The following ALG1 variants were observed in gnomAD, a reference collection of about 807,000 sequenced individuals.
ALG1 encodes chitobiosyldiphosphodolichol beta-mannosyltransferase.
In ALG1, 58 loss-of-function variants were observed where a neutral mutation model predicts 55.1. The observed-to-expected ratio is 1.05, with a 90% CI of 0.85 to 1.31. The LOEUF is 1.31. Ranked by LOEUF, ALG1 falls within the 50% of genes most tolerant of loss-of-function variation. The pLI, the probability that ALG1 is intolerant of heterozygous loss-of-function variation, is 0.00. For synonymous variants in ALG1, 309 were observed against 247.0 expected (o/e 1.25, Z -2.35); for missense variants, 761 against 598.6 (o/e 1.27, Z -2.83).
intron 6 of ALG1, chr16:5,078,378 G>A: frequency 1.7e-6 from 1 of 588,968 alleles, no homozygotes; most frequent in East Asian, 3.8e-5. Context: ...GGACCTGTGT[G>A]TCCCCTGGGG....
Position 5,085,846 on chromosome 16 carries a change from T to A in ALG1, c.*965T>A. ...GGGGTAGGGGGGTGTCCAAGTCAGT[T>A]TACTTGGTTCACAGGTTCCCAGGCC... On this transcript the variant is annotated 3_prime_UTR_variant, in exon 13 of 13. Transcript: ENST00000262374. 1 of 849,682 alleles carries A rather than the reference T, an allele frequency of 1.2e-6. No individual in the cohort carries two copies. The highest frequency in any genetic ancestry group is 1.8e-5 in the Admixed American group (1 of 55,080). 52.6% of individuals were successfully genotyped at this position (849,682 alleles called of 1,614,324 possible).
intron 12 of ALG1, 86 bp from the exon 13 acceptor site, chr16:5,084,664 T>G (rs1957085095): frequency 6.3e-7 from 1 of 1,585,354 alleles, no homozygotes; most frequent in Admixed American, 1.7e-5. Context: ...TGTTGTTGGG[T>G]CGGGGACCTG....
chr16:5,077,386 G>A lies in ALG1; in HGVS notation c.540-59G>A, dbSNP rs116032187. The A allele has an allele frequency of 2.1e-4, 299 of 1,421,372 alleles. 1 individual carries two copies. The African/African-American group carries it at 3.5e-3, about 17-fold the overall frequency. The allele number at this position is 1,421,372 out of a possible 1,614,324, so 88.0% of individuals were successfully genotyped here. A position where few individuals can be genotyped will look rare whatever the true frequency, so the allele number is the denominator to read the frequency against. On this transcript the variant is annotated intron_variant, in intron 4 of 12. Coordinates refer to ENST00000262374, the MANE Select transcript of ALG1 (RefSeq NM_019109.5). Reference sequence around the variant, plus strand: ...TCTCTGTTGAGGGATGTCGAGTCACGCTGTGGTGGTAGCGGAGGCCTGTCT... The same window carrying A: ...TCTCTGTTGAGGGATGTCGAGTCACACTGTGGTGGTAGCGGAGGCCTGTCT...
chr16:5,080,850 G>T, intron 9 of ALG1, 96 bp from the exon 10 acceptor site: 1 of 1,509,898 alleles, frequency 6.6e-7, no homozygotes, highest in Non-Finnish European at 9.1e-7. Flanking sequence ...GAGCTTCTGG[G>T]AAAGGGATCC....
At chr16:5,082,709 T>C in intron 11 of ALG1, 36 bp downstream of exon 11, 2 of 1,607,974 alleles carry the variant, frequency 1.2e-6, no homozygotes, top group South Asian at 1.1e-5. Context: ...GGGGATAGCT[T>C]TGCAGATCCA....
chr16:5,084,854 T>C lies in ALG1; in HGVS notation c.1368T>C (p.Thr456=), dbSNP rs1455567093. 1 of 1,596,280 alleles carries C rather than the reference T, an allele frequency of 6.3e-7. No individual in the cohort carries two copies. Among genetic ancestry groups the C allele is most frequent in the East Asian group, 2.2e-5 (1 of 44,896 alleles). The change falls in exon 13 of 13, where the codon ACT becomes ACC. Residue 456 remains threonine, a synonymous_variant. Transcript: ENST00000262374. ...GATGGGATGAGAGCTGGGTGCAGACTGTGCTCCCTTTGGTTATGGACACAT... is the reference window on the plus strand; with the variant it reads ...GATGGGATGAGAGCTGGGTGCAGACCGTGCTCCCTTTGGTTATGGACACAT... ...QLRWDESWVQ[T]VLPLVMDT is the part of the protein sequence containing the mutation.
chr16:5,075,346 A>G (rs2142706910), intron 3 of ALG1, 42 bp from the exon 4 acceptor site: 3 of 1,605,658 alleles, frequency 1.9e-6, no homozygotes, highest in Non-Finnish European at 2.6e-6. Context: ...ATTGCCTAGC[A>G]TGGTCTGGGT....
intron 11 of ALG1, among the ~76,000 whole-genome samples, chr16:5,083,071 C>G (rs1957043754): frequency 6.6e-6 from 1 of 152,164 alleles, no homozygotes; most frequent in South Asian, 2.1e-4. Context: ...CCCACCATGT[C>G]CCTTTTGGCC....
chr16:5,072,417 C>A (rs1260240937), intron 1 of ALG1: 11 of 509,658 alleles, frequency 2.2e-5, no homozygotes, highest in Non-Finnish European at 3.0e-5. Flanking sequence ...TTCCTCATCC[C>A]TCAACGCAGA....
rs960688285 is a variant in ALG1, at chr16:5,082,822, A to G, written c.1187+149A>G. 5.5e-6 allele frequency: 5 copies of G among 904,508 alleles called. No homozygotes were observed. In the African/African-American group the frequency reaches 8.1e-5, roughly 15 times the overall value. The allele number at this position is 904,508 out of a possible 1,614,324, so 56.0% of individuals were successfully genotyped here. A position where few individuals can be genotyped will look rare whatever the true frequency, so the allele number is the denominator to read the frequency against. ...GGCCATGAGGAGGAGCCCTGCGGTT[A>G]CTGTGGCTGGGCTGAGCCTCACTGA... On this transcript the variant is annotated intron_variant, in intron 11 of 12. Transcript: ENST00000262374.
At chr16:5,077,357 C>T (rs1956932069) in intron 4 of ALG1, 88 bp from the exon 5 acceptor site, 2 of 1,210,966 alleles carry the variant, frequency 1.7e-6, no homozygotes, top group Non-Finnish European at 2.5e-6. Flanking sequence ...GCTCTGCGGC[C>T]TTTTCTCTGT....
chr16:5,082,473 T>C lies in ALG1; in HGVS notation c.1073-86T>C, dbSNP rs753888890. 7.5e-5 allele frequency: 108 copies of C among 1,436,972 alleles called. 3 individuals carry two copies. The highest frequency in any genetic ancestry group is 1.4e-4 in the African/African-American group (10 of 71,438). 89.0% of individuals were successfully genotyped at this position (1,436,972 alleles called of 1,614,324 possible). ...GGGCCTTATCTGATTTTCACTCTCC[T>C]TGGGGGATGCTGCCTCACTGTGCTG... On this transcript the variant is annotated intron_variant, in intron 10 of 12. Transcript: ENST00000262374.
Position 5,085,605 on chromosome 16 carries a change from C to G in ALG1, c.*724C>G. ...TCCCATGAGAGTGACTTGATTCTCA[C>G]AATCCCGTTGGAGTCGTGTGTGAGT... On this transcript the variant is annotated 3_prime_UTR_variant, in exon 13 of 13. Transcript: ENST00000262374. The G allele has an allele frequency of 6.7e-7, 1 of 1,489,338 alleles. No homozygotes were observed. Among genetic ancestry groups the G allele is most frequent in the East Asian group, 2.3e-5 (1 of 44,300 alleles). 92.3% of individuals were successfully genotyped at this position (1,489,338 alleles called of 1,614,324 possible).
rs1263959891 is a variant in ALG1, at chr16:5,071,931, C to T, written c.82C>T (p.Arg28Trp). ...GCTGGGAGGATGGAAGCGCTGGCGC[C>T]GGGGGCGGGCGGCCCGGCATGTAGT... is the stretch of plus-strand genomic sequence containing the variant. ...LLLGGWKRWR[R>W]GRAARHVVAV... Residue 28 changes from arginine to tryptophan, a missense_variant, in exon 1 of 13, where the codon CGG becomes TGG. By Grantham distance (101) the Arg-to-Trp change is moderately radical (BLOSUM62 -3). Coordinates refer to ENST00000262374, the MANE Select transcript of ALG1 (RefSeq NM_019109.5). 1.3e-6 allele frequency: 2 copies of T among 1,588,896 alleles called. No homozygotes were observed. The highest frequency in any genetic ancestry group is 1.7e-6 in the Non-Finnish European group (2 of 1,168,134).
rs4786590 is a variant in ALG1, at chr16:5,075,364, C to T, written c.391-24C>T. On this transcript the variant is annotated intron_variant, in intron 3 of 12. Transcript: ENST00000262374. ...GCCTAGCATGGTCTGGGTTTCCTCCCCTTCAAGTCTCTATCTTTCCTAGAA... is the reference window on the plus strand; with the variant it reads ...GCCTAGCATGGTCTGGGTTTCCTCCTCTTCAAGTCTCTATCTTTCCTAGAA... 1,589,069 of 1,613,876 alleles carry T rather than the reference C, an allele frequency of 0.98. 783,325 individuals are homozygous for T. The highest frequency in any genetic ancestry group is 1 in the East Asian group (44,873 of 44,876).
chr16:5,077,423 G>A (rs779367321), intron 4 of ALG1, 22 bp from the exon 5 acceptor site: 15 of 1,608,634 alleles, frequency 9.3e-6, no homozygotes, highest in Non-Finnish European at 1.3e-5. Flanking sequence ...GGGCTCTGCT[G>A]ACTGCTGATC....
At chr16:5,072,375 T>G in intron 1 of ALG1, 1 of 746,134 alleles carries the variant, frequency 1.3e-6, no homozygotes, top group Non-Finnish European at 2.0e-6. Context: ...GCTACCCTTG[T>G]CAGGCTATGT....
rs1956983341 is a variant in ALG1, at chr16:5,079,743, C to G, written c.902-5C>G. ...ATGTAGAATTGTTTCTTTTTCTAAA[C>G]ACAGAGTTTGAACAACTGACTCTTG... On this transcript the variant is annotated splice_region_variant and splice_polypyrimidine_tract_variant and intron_variant, in intron 8 of 12. Transcript: ENST00000262374. 1 of 1,610,906 alleles carries G rather than the reference C, an allele frequency of 6.2e-7. No individual in the cohort carries two copies. The highest frequency in any genetic ancestry group is 8.5e-7 in the Non-Finnish European group (1 of 1,179,182).
At chr16:5,078,955 G>A (rs1397213361) in intron 7 of ALG1, 77 bp downstream of exon 7, 12 of 1,596,232 alleles carry the variant, frequency 7.5e-6, no homozygotes, top group Non-Finnish European at 9.4e-6. Context: ...ACCCCTGCCA[G>A]TCCTGCATGC....
Sources: gnomAD v4.1 joint callset for allele counts (sites outside exome capture counted in the v4.1 genomes callset) on GRCh38, gnomAD v4.1.1 for gene constraint, MANE v1.5 for transcripts, NCBI Gene and HGNC (gene_info 2026-07-23, HGNC 2026-07-21) for gene names.